PITPNC1: variants seen among roughly 807,000 people sequenced by gnomAD.
PITPNC1 encodes cytoplasmic phosphatidylinositol transfer protein 1.
PITPNC1 carries 18 observed loss-of-function variants against 44.7 expected under a neutral mutation model. The observed-to-expected ratio is 0.40, with a 90% CI of 0.28 to 0.60. PITPNC1 has a LOEUF of 0.60. PITPNC1 is among the 20% of genes least tolerant of loss of function. The pLI is 0.39. For synonymous variants in PITPNC1, 141 were observed against 149.6 expected (o/e 0.94, Z 0.42); for missense variants, 290 against 418.4 (o/e 0.69, Z 2.68).
chr17:67,452,888 C>A (rs374373176), intron 1 of PITPNC1, among the ~76,000 whole-genome samples: 1 of 152,158 alleles, frequency 6.6e-6, no homozygotes, highest in Non-Finnish European at 1.5e-5. Context: ...AACATATGAG[C>A]GTTTTGGGTT....
At chr17:67,473,247 C>T (rs1188876771) in intron 1 of PITPNC1, among the ~76,000 whole-genome samples, 1 of 152,024 alleles carries the variant, frequency 6.6e-6, no homozygotes, top group South Asian at 2.1e-4. Flanking sequence ...GTTGCCCATG[C>T]TGGTCTTGAA....
At chr17:67,447,778 T>A (rs1296313550) in intron 1 of PITPNC1, among the ~76,000 whole-genome samples, 1 of 152,168 alleles carries the variant, frequency 6.6e-6, no homozygotes, top group African/African-American at 2.4e-5. Flanking sequence ...TCTTTGATAC[T>A]ATGAAGGGAC....
chr17:67,608,491 C>CT (rs143100082), intron 5 of PITPNC1, among the ~76,000 whole-genome samples: 6,627 of 132,968 alleles, frequency 0.05, 235 homozygotes, highest in African/African-American at 0.096. Context: ...TGTTTCTCAG[C>CT]TTTTTTTTTT....
chr17:67,459,033 T>C (rs903027560), intron 1 of PITPNC1, among the ~76,000 whole-genome samples: 3 of 152,016 alleles, frequency 2.0e-5, no homozygotes, highest in African/African-American at 7.2e-5. Flanking sequence ...GGGGATGATT[T>C]TTCCCCCTAG....
chr17:67,616,411 G>A (rs142968508), intron 5 of PITPNC1, among the ~76,000 whole-genome samples: 1 of 152,140 alleles, frequency 6.6e-6, no homozygotes, highest in Non-Finnish European at 1.5e-5. Context: ...AAAGTGCTGG[G>A]GTTACAGGCA....
At chr17:67,406,358 G>T (rs1049278590) in intron 1 of PITPNC1, among the ~76,000 whole-genome samples, 2 of 152,030 alleles carry the variant, frequency 1.3e-5, no homozygotes, top group Non-Finnish European at 1.5e-5. Flanking sequence ...TCCATTGGCG[G>T]TCACTCCCCA....
At chr17:67,539,665 C>G (rs1289390424) in intron 2 of PITPNC1, among the ~76,000 whole-genome samples, 1 of 152,082 alleles carries the variant, frequency 6.6e-6, no homozygotes, top group East Asian at 1.9e-4. Flanking sequence ...GGTGAAACCC[C>G]GTCTCTACTA....
chr17:67,585,957 T>C (rs1245413693), intron 5 of PITPNC1, among the ~76,000 whole-genome samples: 1 of 152,176 alleles, frequency 6.6e-6, no homozygotes, highest in East Asian at 1.9e-4. Context: ...GACAATTAAT[T>C]AGATTTTGTT....
intron 1 of PITPNC1, among the ~76,000 whole-genome samples, chr17:67,382,237 A>G (rs1013328015): frequency 4.6e-5 from 7 of 152,128 alleles, no homozygotes; most frequent in African/African-American, 1.7e-4. Context: ...TTATTTTAAC[A>G]CATAAAATGT....
intron 2 of PITPNC1, among the ~76,000 whole-genome samples, chr17:67,547,573 T>C (rs1259290370): frequency 6.6e-6 from 1 of 152,154 alleles, no homozygotes; most frequent in African/African-American, 2.4e-5. Flanking sequence ...TTCTGACCCC[T>C]GTTGAGAAAA....
intron 1 of PITPNC1, among the ~76,000 whole-genome samples, chr17:67,498,498 A>G (rs371073650): frequency 2.0e-5 from 3 of 152,242 alleles, no homozygotes; most frequent in African/African-American, 7.2e-5. Flanking sequence ...TAATGCTGCA[A>G]TGAACTTGGG....
At chr17:67,675,712 A>C (rs1220330576) in intron 8 of PITPNC1, among the ~76,000 whole-genome samples, 170 bp downstream of exon 8, 1 of 152,228 alleles carries the variant, frequency 6.6e-6, no homozygotes, top group Admixed American at 6.5e-5. Flanking sequence ...TAATTATAGA[A>C]GCTTGGTCTA....
At position 67,378,302 on chromosome 17, in the gene PITPNC1, G is replaced by T. The variant is rs372608601; in HGVS notation, c.48+100G>T. 4.1e-6 allele frequency: 3 copies of T among 723,196 alleles called. No homozygotes were observed. In the South Asian group the frequency reaches 7.0e-5, roughly 17 times the overall value. 44.8% of individuals were successfully genotyped at this position (723,196 alleles called of 1,614,324 possible). A position where few individuals can be genotyped will look rare whatever the true frequency, so the allele number is the denominator to read the frequency against. ...CCCGGGCGAGCGGCAGGAAACCCAGGTGGACGTTACCCCGCAAACCCGAAG... is the reference window on the plus strand; with the variant it reads ...CCCGGGCGAGCGGCAGGAAACCCAGTTGGACGTTACCCCGCAAACCCGAAG... On this transcript the variant is annotated intron_variant, in intron 1 of 8. Coordinates refer to ENST00000581322, the MANE Select transcript of PITPNC1 (RefSeq NM_012417.4).
chr17:67,599,032 ATATTTT>A (rs1291965812), intron 5 of PITPNC1, among the ~76,000 whole-genome samples: 33 of 29,268 alleles, frequency 1.1e-3, no homozygotes, highest in Middle Eastern at 0.014. Flanking sequence ...ATATATATAT[ATATTTT>A]TTTTTTTTTT....
intron 5 of PITPNC1, among the ~76,000 whole-genome samples, chr17:67,598,628 A>T (rs2041491141): frequency 6.6e-6 from 1 of 152,030 alleles, no homozygotes; most frequent in Non-Finnish European, 1.5e-5. Context: ...GGTGGCTTAT[A>T]CCTGTAATCC....
intron 4 of PITPNC1, among the ~76,000 whole-genome samples, chr17:67,567,275 G>A (rs1447771621): frequency 4.6e-5 from 7 of 152,002 alleles, no homozygotes; most frequent in African/African-American, 1.4e-4. Flanking sequence ...CATGAGGTCA[G>A]GAGATCGAGA....
At chr17:67,470,763 C>T (rs982576442) in intron 1 of PITPNC1, among the ~76,000 whole-genome samples, 1 of 151,500 alleles carries the variant, frequency 6.6e-6, no homozygotes, top group South Asian at 2.1e-4. Flanking sequence ...AATAGAAAGG[C>T]GGGAAAGGTG....
intron 1 of PITPNC1, among the ~76,000 whole-genome samples, chr17:67,499,041 T>TTTTTGTATTTTTGTA (rs2039993675): frequency 6.6e-6 from 1 of 151,892 alleles, no homozygotes; most frequent in Non-Finnish European, 1.5e-5. Context: ...CTGGCTAATT[T>TTTTTGTATTTTTGTA]TTTTGTATTT....
At chr17:67,633,217 G>A (rs1567750747) in intron 6 of PITPNC1, among the ~76,000 whole-genome samples, 1 of 152,168 alleles carries the variant, frequency 6.6e-6, no homozygotes, top group South Asian at 2.1e-4. Context: ...ATCCCAATAT[G>A]TTTGGAATCA....
Sources: gnomAD v4.1 joint callset for allele counts (sites outside exome capture counted in the v4.1 genomes callset) on GRCh38, gnomAD v4.1.1 for gene constraint, MANE v1.5 for transcripts, NCBI Gene and HGNC (gene_info 2026-07-23, HGNC 2026-07-21) for gene names.